The following EIF3A variants were observed in gnomAD, a reference collection of about 807,000 sequenced individuals.
EIF3A encodes EIF3, p180 subunit.
EIF3A carries 21 observed loss-of-function variants against 186.6 expected under a neutral mutation model. The observed-to-expected ratio is 0.11, with a 90% CI of 0.08 to 0.16. The LOEUF (loss-of-function observed/expected upper bound fraction) is 0.16, where lower values mean the gene tolerates loss of function less well. Ranked by LOEUF, EIF3A falls within the 10% of genes least tolerant of loss-of-function variation. The pLI is 1.00. For synonymous variants in EIF3A, 563 were observed against 584.3 expected (o/e 0.96, Z 0.52); for missense variants, 1,306 against 1,796.3 (o/e 0.73, Z 4.93).
In EIF3A at chr10:119,042,033, C is replaced by T; in HGVS notation, c.3487G>A (p.Asp1163Asn). The change falls in exon 19 of 22, where the codon GAC becomes AAC. Residue 1163 changes from aspartate (D) to asparagine (N), a missense_variant. Coordinates refer to ENST00000369144, the MANE Select transcript of EIF3A (RefSeq NM_003750.4). The surrounding 1 kb of genome is among the most constrained non-coding windows in gnomAD (Gnocchi z 7.8). ...GGTCTCCAAGGACCAGGTCTTGAGT[C>T]ATCACCCCGTCTGGGAAACCGATCA... ...DDDRFPRRGDDSRPGPWRPLV... is the reference protein window; with the variant it reads ...DDDRFPRRGDNSRPGPWRPLV... 1 of 1,614,222 alleles carries T rather than the reference C, an allele frequency of 6.2e-7. No individual in the cohort carries two copies. Among genetic ancestry groups the T allele is most frequent in the South Asian group, 1.1e-5 (1 of 91,086 alleles).
At chr10:119,052,438 G>A (rs999397884) in intron 14 of EIF3A, among the ~76,000 whole-genome samples, 2 of 137,600 alleles carry the variant, frequency 1.5e-5, no homozygotes, top group Admixed American at 7.7e-5. Context: ...AAGCACTGGA[G>A]TGCAATGGCA....
chr10:119,043,130 A>G (rs1355368493), intron 18 of EIF3A, among the ~76,000 whole-genome samples: 2 of 151,510 alleles, frequency 1.3e-5, no homozygotes, highest in Admixed American at 1.3e-4. Flanking sequence ...TAAAGAATAT[A>G]AAAATTCACC....
At chr10:119,070,077 G>A (rs531424215) in intron 5 of EIF3A, among the ~76,000 whole-genome samples, 2 of 151,610 alleles carry the variant, frequency 1.3e-5, no homozygotes, top group Admixed American at 6.5e-5. Context: ...TAAGATGGGT[G>A]TCCCTATAGA....
intron 9 of EIF3A, chr10:119,060,055 T>G (rs7908143): frequency 3.9e-6 from 2 of 518,578 alleles, no homozygotes; most frequent in Non-Finnish European, 7.6e-6. Flanking sequence ...ATAGTTATAC[T>G]GCTAATTAGC....
At chr10:119,049,238 T>C (rs572916572) in intron 17 of EIF3A, among the ~76,000 whole-genome samples, 34 of 152,188 alleles carry the variant, frequency 2.2e-4, no homozygotes, top group African/African-American at 7.2e-4. Flanking sequence ...GGCAAGCAGA[T>C]TGTTTGAGGT....
At position 119,080,729 on chromosome 10, in the gene EIF3A, G is replaced by A. The variant is rs1177624089; in HGVS notation, c.-53C>T. 6.4e-7 allele frequency: 1 copy of A among 1,553,154 alleles called. No homozygotes were observed. Among genetic ancestry groups the A allele is most frequent in the East Asian group, 2.5e-5 (1 of 40,616 alleles). ...GTCAGCGAACTCTCTAGTGGCCCGG[G>A]CCGGGAGAGGAGACGAAGGGGAACC... On this transcript the variant is annotated 5_prime_UTR_variant, in exon 1 of 22. Coordinates refer to ENST00000369144, the MANE Select transcript of EIF3A (RefSeq NM_003750.4).
At chr10:119,063,802 C>G (rs1843927084) in intron 7 of EIF3A, among the ~76,000 whole-genome samples, 1 of 152,110 alleles carries the variant, frequency 6.6e-6, no homozygotes, top group Non-Finnish European at 1.5e-5. Flanking sequence ...ATACACAAAT[C>G]TGGCCGGCAC....
chr10:119,034,918 T>C lies in EIF3A; in HGVS notation c.*1121A>G, dbSNP rs1848107585. On this transcript the variant is annotated 3_prime_UTR_variant, in exon 22 of 22. Transcript: ENST00000369144. ...CTTTCTTTGTTATATTTAGGTTCATTTTCATTGATACTAAACACAGACATT... is the reference window on the plus strand; with the variant it reads ...CTTTCTTTGTTATATTTAGGTTCATCTTCATTGATACTAAACACAGACATT... The C allele has an allele frequency of 6.6e-6, 1 of 152,510 alleles. No individual in the cohort carries two copies. The highest frequency in any genetic ancestry group is 2.4e-5 in the African/African-American group (1 of 41,440). The allele number at this position is 152,510 out of a possible 1,614,324, so 9.4% of individuals were successfully genotyped here. A position where few individuals can be genotyped will look rare whatever the true frequency, so the allele number is the denominator to read the frequency against.
rs764528540 is a variant in EIF3A, at chr10:119,038,340, CTTTCTT to C, written c.3620_3625del (p.Lys1207_Glu1208del). Reference sequence around the variant, plus strand: ...CTCCCGATCTTGATTATCTCTGTCCCTTTCTTTTTCTCTGTCCCATTCACGTTCTTC... The same window carrying C: ...CTCCCGATCTTGATTATCTCTGTCCCTTTCTCTGTCCCATTCACGTTCTTC... On this transcript the variant is annotated inframe_deletion, in exon 20 of 22. Coordinates refer to ENST00000369144, the MANE Select transcript of EIF3A (RefSeq NM_003750.4). The C allele has an allele frequency of 2.5e-6, 4 of 1,614,150 alleles. No homozygotes were observed. The highest frequency in any genetic ancestry group is 3.4e-6 in the Non-Finnish European group (4 of 1,180,022).
intron 3 of EIF3A, 110 bp from the exon 4 acceptor site, chr10:119,073,163 A>T (rs1397618): frequency 0.94 from 996,069 of 1,057,278 alleles, 474,965 homozygotes; most frequent in Non-Finnish European, 0.97. Flanking sequence ...TTCCCACAAT[A>T]TGTACACACT....
chr10:119,044,330 A>G (rs772653186), intron 17 of EIF3A, among the ~76,000 whole-genome samples, 188 bp from the exon 18 acceptor site: 1 of 147,456 alleles, frequency 6.8e-6, no homozygotes, highest in Non-Finnish European at 1.5e-5. Flanking sequence ...GTAGTCTCAT[A>G]TATTGTAGGT....
At chr10:119,077,576 A>G (rs1450763051) in intron 1 of EIF3A, among the ~76,000 whole-genome samples, 1 of 147,130 alleles carries the variant, frequency 6.8e-6, no homozygotes, top group African/African-American at 2.5e-5. Context: ...TTTTTTGGAG[A>G]AGGAGTCTCG....
Position 119,042,023 on chromosome 10 carries a change from G to A in EIF3A, c.3497C>T (p.Pro1166Leu), listed in dbSNP as rs1439387846. ...CTTGACTAATGGTCTCCAAGGACCA[G>A]GTCTTGAGTCATCACCCCGTCTGGG... ...RFPRRGDDSR[P>L]GPWRPLVKPG... is the part of the protein sequence containing the mutation. The change falls in exon 19 of 22, where the codon CCT (proline) becomes CTT (leucine). Residue 1166 changes from proline to leucine, a missense_variant. Physicochemically the swap from Pro to Leu is moderately conservative, Grantham distance 98. This residue lies in a region of EIF3A where 331 missense variants were observed against 365.8 expected (regional missense o/e 0.90). Coordinates refer to ENST00000369144, the MANE Select transcript of EIF3A (RefSeq NM_003750.4). The surrounding 1 kb of genome is among the most constrained non-coding windows in gnomAD (Gnocchi z 7.8). 1.2e-6 allele frequency: 2 copies of A among 1,614,196 alleles called. No homozygotes were observed. Among genetic ancestry groups the A allele is most frequent in the East Asian group, 2.2e-5 (1 of 44,890 alleles).
chr10:119,073,885 A>T lies in EIF3A; in HGVS notation c.102T>A (p.Val34=). 6.2e-7 allele frequency: 1 copy of T among 1,610,892 alleles called. No individual in the cohort carries two copies. Among genetic ancestry groups the T allele is most frequent in the South Asian group, 1.1e-5 (1 of 89,988 alleles). ...ATGTTCTATGTTTTTTACTTTTCATAACATCATAAAGAACATCCAGAGCAG... is the reference window on the plus strand; with the variant it reads ...ATGTTCTATGTTTTTTACTTTTCATTACATCATAAAGAACATCCAGAGCAG... ...KQPALDVLYD[V]MKSKKHRTWQ... The change falls in exon 2 of 22, where the codon GTT becomes GTA. Residue 34 remains valine, a synonymous_variant. Coordinates refer to ENST00000369144, the MANE Select transcript of EIF3A (RefSeq NM_003750.4).
chr10:119,042,355 A>T lies in EIF3A; in HGVS notation c.3165T>A (p.Asp1055Glu). ...DRGPRRGGAD[D>E]ERSSWRNADD... ...CAGCATTACGCCAGGATGATCGCTC[A>T]TCATCAGCGCCTCCTCGCCTCGGCC... Residue 1055 changes from aspartate to glutamate, a missense_variant, in exon 19 of 22, where the codon GAT (aspartate) becomes GAA (glutamate). By Grantham distance (45) the Asp-to-Glu change is conservative. Transcript: ENST00000369144. This position sits in a 1 kb window ranked among gnomAD's most constrained non-coding sequence, Gnocchi z 7.8. 1 of 1,613,174 alleles carries T rather than the reference A, an allele frequency of 6.2e-7. No homozygotes were observed. The highest frequency in any genetic ancestry group is 8.5e-7 in the Non-Finnish European group (1 of 1,179,744).
rs760611408 is a variant in EIF3A at position 119,070,883 on chromosome 10, T to A, written c.741+3A>T. ...GGAAGAAAAGCTAATAGCTCCAACA[T>A]ACCTGCCACAATTCCATGCTGATAG... On this transcript the variant is annotated splice_donor_region_variant and intron_variant, in intron 5 of 21. Transcript: ENST00000369144. 6.2e-7 allele frequency: 1 copy of A among 1,607,296 alleles called. No individual in the cohort carries two copies. Among genetic ancestry groups the A allele is most frequent in the South Asian group, 1.1e-5 (1 of 90,920 alleles).
At chr10:119,080,501 G>C (rs1033417840) in intron 1 of EIF3A, 127 bp downstream of exon 1, 10 of 1,401,444 alleles carry the variant, frequency 7.1e-6, no homozygotes, top group Non-Finnish European at 9.2e-6. Context: ...GGACAGCGGC[G>C]GGCAGGCCGC....
intron 14 of EIF3A, among the ~76,000 whole-genome samples, chr10:119,053,561 A>C (rs1174408641): frequency 4.0e-5 from 1 of 24,792 alleles, no homozygotes; most frequent in African/African-American, 1.9e-4. Flanking sequence ...AAAATACAAA[A>C]AAAAAAAAAA....
At chr10:119,038,001 C>G (rs1424740941) in intron 20 of EIF3A, among the ~76,000 whole-genome samples, 1 of 145,616 alleles carries the variant, frequency 6.9e-6, no homozygotes, top group Non-Finnish European at 1.5e-5. Flanking sequence ...ACCACAACCT[C>G]TGCCTCCCGG....
Sources: gnomAD v4.1 joint callset for allele counts (sites outside exome capture counted in the v4.1 genomes callset) on GRCh38, gnomAD v4.1.1 for gene constraint, gnomAD v4.1.1 regional missense constraint, Gnocchi (gnomAD v3.1) non-coding constraint, MANE v1.5 for transcripts, NCBI Gene and HGNC (gene_info 2026-07-23, HGNC 2026-07-21) for gene names.